LYPD1: variants seen among roughly 807,000 people sequenced by gnomAD.
LYPD1 encodes LY6/PLAUR domain containing 1.
Under a neutral mutation model 14.2 loss-of-function variants are expected in LYPD1, and 14 were observed. The ratio of observed to expected loss-of-function variants is 0.99; its 90% CI spans 0.65 to 1.54. The LOEUF (loss-of-function observed/expected upper bound fraction) is 1.54. Ranked by LOEUF, LYPD1 falls within the 40% of genes most tolerant of loss-of-function variation. LYPD1 has a pLI of 0.00. For missense variants in LYPD1, 165 were observed against 175.7 expected, an observed-to-expected ratio of 0.94 and a Z score of 0.34; for synonymous variants, 85 against 70.6, an observed-to-expected ratio of 1.20 and a Z score of -1.02.
At chr2:132,663,405 C>A (rs1248767001) in intron 2 of LYPD1, among the ~76,000 whole-genome samples, 3 of 152,094 alleles carry the variant, frequency 2.0e-5, no homozygotes, top group East Asian at 1.9e-4. Context: ...TCCTGAGTAG[C>A]TGGGATTACA....
chr2:132,650,623 C>T (rs772947920), intron 2 of LYPD1, among the ~76,000 whole-genome samples: 1 of 151,954 alleles, frequency 6.6e-6, no homozygotes, highest in Non-Finnish European at 1.5e-5. Context: ...TTCCACAAAG[C>T]CATAGAAGAT....
chr2:132,661,175 C>G (rs957295240), intron 2 of LYPD1, among the ~76,000 whole-genome samples: 1 of 152,242 alleles, frequency 6.6e-6, no homozygotes, highest in Non-Finnish European at 1.5e-5. Flanking sequence ...GGACCACCAA[C>G]AGGGGCCTCA....
chr2:132,670,066 G>C lies in LYPD1; in HGVS notation c.-134C>G. The stretch of plus-strand genomic sequence containing the variant: ...CGCTGCTGCCGCGGAGACGACGGTC[G>C]TAGCTTAGAGGAGCCGCAGGTGCCG... On this transcript the variant is annotated 5_prime_UTR_variant, in exon 1 of 3. The change creates a premature stop within an existing upstream ORF in the 5' untranslated region. Transcript: ENST00000397463. The surrounding 1 kb of genome is among the most constrained non-coding windows in gnomAD (Gnocchi z 4.5). 6.6e-7 allele frequency: 1 copy of C among 1,517,098 alleles called. No individual in the cohort carries two copies. The highest frequency in any genetic ancestry group is 8.8e-7 in the Non-Finnish European group (1 of 1,141,096). 94.0% of individuals were successfully genotyped at this position (1,517,098 alleles called of 1,614,324 possible).
intron 2 of LYPD1, among the ~76,000 whole-genome samples, chr2:132,647,234 G>C (rs1381296960): frequency 6.6e-6 from 1 of 152,162 alleles, no homozygotes; most frequent in Non-Finnish European, 1.5e-5. Flanking sequence ...GAAGCCTCAG[G>C]GCTAGATTTA....
intron 2 of LYPD1, among the ~76,000 whole-genome samples, chr2:132,652,089 A>G (rs1357422483): frequency 6.6e-6 from 1 of 152,228 alleles, no homozygotes; most frequent in Non-Finnish European, 1.5e-5. Context: ...GGAGAAGGTC[A>G]TGACCAAGAA....
In LYPD1 at chr2:132,646,006, G is replaced by A. The variant is rs1400009775; in HGVS notation, c.*39C>T. The A allele has an allele frequency of 6.9e-7, 1 of 1,451,766 alleles. No individual in the cohort carries two copies. 89.9% of individuals were successfully genotyped at this position (1,451,766 alleles called of 1,614,324 possible). Reference sequence around the variant, plus strand: ...AGGTGGGGGGTTGGGGGCGAGGGCTGGAAGAACAATGCAGGAGGGGGTGGC... The same window carrying A: ...AGGTGGGGGGTTGGGGGCGAGGGCTAGAAGAACAATGCAGGAGGGGGTGGC... On this transcript the variant is annotated 3_prime_UTR_variant, in exon 3 of 3. Transcript: ENST00000397463.
At chr2:132,657,165 CA>C (rs1368239055) in intron 2 of LYPD1, among the ~76,000 whole-genome samples, 6 of 152,170 alleles carry the variant, frequency 3.9e-5, no homozygotes, top group Non-Finnish European at 1.5e-5. Context: ...TTATAGCAAG[CA>C]AACAACCAAC....
chr2:132,667,780 G>A (rs1683367711), intron 2 of LYPD1, among the ~76,000 whole-genome samples: 1 of 152,146 alleles, frequency 6.6e-6, no homozygotes, highest in Non-Finnish European at 1.5e-5. Flanking sequence ...GAGGGAGTGA[G>A]GGCTATCCCA....
At chr2:132,650,699 TTCC>T (rs1412877079) in intron 2 of LYPD1, among the ~76,000 whole-genome samples, 1 of 144,498 alleles carries the variant, frequency 6.9e-6, no homozygotes, top group Middle Eastern at 3.2e-3. Context: ...TCTCCCTCCC[TTCC>T]TCCTCCTTCC....
At chr2:132,648,029 G>A (rs1682195459) in intron 2 of LYPD1, among the ~76,000 whole-genome samples, 2 of 152,190 alleles carry the variant, frequency 1.3e-5, no homozygotes, top group Non-Finnish European at 2.9e-5. Flanking sequence ...GAAGGCAGCT[G>A]CTCTGGTAAG....
chr2:132,669,924 G>A lies in LYPD1; in HGVS notation c.9C>T (p.Val3=). 1 of 1,612,712 alleles carries A rather than the reference G, an allele frequency of 6.2e-7. No individual in the cohort carries two copies. Among genetic ancestry groups the A allele is most frequent in the Non-Finnish European group, 8.5e-7 (1 of 1,179,344 alleles). The change falls in exon 1 of 3, where the codon GTC becomes GTT. Residue 3 remains valine (V), a synonymous_variant. Transcript: ENST00000397463. This position sits in a 1 kb window ranked among gnomAD's most constrained non-coding sequence, Gnocchi z 4.3. ...CGCAAAAAGTTGCCGCGATGCCTAG[G>A]ACCCACATTCTCCCGGAGTCCCGGG... MW[V]LGIAATFCGL...
intron 2 of LYPD1, among the ~76,000 whole-genome samples, chr2:132,651,358 T>C (rs1011500951): frequency 6.6e-6 from 1 of 152,120 alleles, no homozygotes; most frequent in Non-Finnish European, 1.5e-5. Context: ...AGCTCAAGTC[T>C]CAGGGTCACG....
rs146875506 is a variant in LYPD1, at chr2:132,646,877, C to T, written c.191-597G>A. 2.2e-4 allele frequency among the ~76,000 whole-genome samples: 34 copies of T among 152,272 alleles called. No homozygotes were observed. The East Asian group carries it at 5.6e-3, about 25-fold the overall frequency. On this transcript the variant is annotated intron_variant, in intron 2 of 2. Coordinates refer to ENST00000397463, the MANE Select transcript of LYPD1 (RefSeq NM_144586.7). ...CTCACAGTCTTATTCTAAGGAGAAA[C>T]GCTCTGTCGTCAGGACACATGGCCA... is the stretch of plus-strand genomic sequence containing the variant.
At position 132,668,530 on chromosome 2, in the gene LYPD1, C is replaced by A. The variant is rs1305713559; in HGVS notation, c.60G>T (p.Ala20=). The A allele has an allele frequency of 5.0e-6, 8 of 1,611,876 alleles. No homozygotes were observed. The highest frequency in any genetic ancestry group is 6.8e-6 in the Non-Finnish European group (8 of 1,179,278). Reference sequence around the variant, plus strand: ...CACACTGGTAGCACTGGATTTGCAGCGCAAAGCCTGCGAGACAGACGCAGT... The same window carrying A: ...CACACTGGTAGCACTGGATTTGCAGAGCAAAGCCTGCGAGACAGACGCAGT... The part of the protein sequence containing the change: ...FCGLFLLPGF[A]LQIQCYQCEE... The change falls in exon 2 of 3, where the codon GCG becomes GCT. Residue 20 remains alanine (A), a synonymous_variant. Transcript: ENST00000397463.
chr2:132,652,255 A>T (rs1682388240), intron 2 of LYPD1, among the ~76,000 whole-genome samples: 1 of 152,200 alleles, frequency 6.6e-6, no homozygotes, highest in Non-Finnish European at 1.5e-5. Context: ...CAATCAGAAC[A>T]GTGCCTGGCA....
upstream of LYPD1, among the ~76,000 whole-genome samples, chr2:132,670,940 G>A (rs1199990506): frequency 6.6e-6 from 1 of 152,188 alleles, no homozygotes; most frequent in African/African-American, 2.4e-5. This position sits in a 1 kb window ranked among gnomAD's most constrained non-coding sequence, Gnocchi z 4.5. Flanking sequence ...GCCGTCCCGG[G>A]GACACCTGCC....
intron 1 of LYPD1, among the ~76,000 whole-genome samples, chr2:132,668,765 G>C (rs1683444146): frequency 6.6e-6 from 1 of 152,100 alleles, no homozygotes; most frequent in Non-Finnish European, 1.5e-5. Flanking sequence ...CTGGACCCCG[G>C]CTCTAGACAC....
chr2:132,668,521 G>C lies in LYPD1; in HGVS notation c.69C>G (p.Ile23Met), dbSNP rs767997024. ...LFLLPGFALQ[I>M]QCYQCEEFQL... ...GGAATTCTTCACACTGGTAGCACTG[G>C]ATTTGCAGCGCAAAGCCTGCGAGAC... The change falls in exon 2 of 3, where the codon ATC (isoleucine) becomes ATG (methionine). Residue 23 changes from isoleucine (I) to methionine (M), a missense_variant. By Grantham distance (10) the Ile-to-Met change is conservative. Transcript: ENST00000397463. 1 of 1,612,176 alleles carries C rather than the reference G, an allele frequency of 6.2e-7. No homozygotes were observed. Among genetic ancestry groups the C allele is most frequent in the Non-Finnish European group, 8.5e-7 (1 of 1,179,278 alleles).
At chr2:132,660,628 C>G (rs1332668286) in intron 2 of LYPD1, 1 of 152,094 alleles carries the variant, frequency 6.6e-6, no homozygotes, top group Admixed American at 6.6e-5. Flanking sequence ...TTTGGTGTTC[C>G]CAGGGTAGGA....
Sources: allele counts gnomAD v4.1 joint callset (sites outside exome capture counted in the v4.1 genomes callset), GRCh38; gene constraint gnomAD v4.1.1; non-coding constraint Gnocchi (gnomAD v3.1); transcripts MANE v1.5; gene names NCBI Gene and HGNC (gene_info 2026-07-23, HGNC 2026-07-21).